The following CORIN variants were observed in gnomAD, a reference collection of about 807,000 sequenced individuals.
CORIN encodes corin, serine peptidase, also known as atrial natriuretic peptide-converting enzyme.
CORIN carries 117 observed loss-of-function variants against 125.3 expected under a neutral mutation model. The observed-to-expected ratio is 0.93, with a 90% CI of 0.80 to 1.09. The LOEUF is 1.09. CORIN is among the 50% of genes least tolerant of loss of function. The pLI is 0.00. For synonymous variants in CORIN, 450 were observed against 466.4 expected (o/e 0.96, Z 0.45); for missense variants, 1,253 against 1,306.7 (o/e 0.96, Z 0.63).
intron 19 of CORIN, among the ~76,000 whole-genome samples, chr4:47,609,738 C>T (rs543354587): frequency 1.3e-5 from 2 of 152,290 alleles, no homozygotes; most frequent in East Asian, 3.9e-4. Flanking sequence ...AGCTATTCTC[C>T]GTGATGCTCT....
In CORIN at chr4:47,623,711, T is replaced by C. The variant is rs1722432166; in HGVS notation, c.2400A>G (p.Lys800=). The change falls in exon 19 of 22, where the codon AAA becomes AAG. Residue 800 remains lysine, a synonymous_variant. Coordinates refer to ENST00000273857, the MANE Select transcript of CORIN (RefSeq NM_006587.4). ...CGRRPAARMN[K]RILGGRTSRP... is the part of the protein sequence containing the mutation. ...GACTCGTCCGACCTCCAAGGATCCT[T>C]TTGTTCATTCGGGCAGCAGGGCGGC... 3 of 1,614,208 alleles carry C rather than the reference T, an allele frequency of 1.9e-6. No homozygotes were observed. The highest frequency in any genetic ancestry group is 2.5e-6 in the Non-Finnish European group (3 of 1,180,024).
At chr4:47,609,011 T>G (rs919999787) in intron 19 of CORIN, among the ~76,000 whole-genome samples, 14 of 152,124 alleles carry the variant, frequency 9.2e-5, no homozygotes, top group Admixed American at 9.2e-4. Flanking sequence ...ATATTTTTCC[T>G]GTTTAATAAA....
chr4:47,642,181 C>T, intron 15 of CORIN, 132 bp from the exon 16 acceptor site: 1 of 894,682 alleles, frequency 1.1e-6, no homozygotes, highest in Non-Finnish European at 1.6e-6. Flanking sequence ...TTGATGTGTA[C>T]CTACCCTGTG....
At chr4:47,761,750 A>C (rs1372281873) in intron 4 of CORIN, among the ~76,000 whole-genome samples, 2 of 152,202 alleles carry the variant, frequency 1.3e-5, no homozygotes, top group Non-Finnish European at 2.9e-5. Flanking sequence ...AATGTTGGTC[A>C]AATGACACAA....
intron 5 of CORIN, among the ~76,000 whole-genome samples, chr4:47,726,025 C>T (rs1205182759): frequency 6.6e-6 from 1 of 151,968 alleles, no homozygotes; most frequent in Non-Finnish European, 1.5e-5. Flanking sequence ...CATCATTAGG[C>T]AAATTTAACC....
At chr4:47,638,804 A>G (rs1723126718) in intron 16 of CORIN, among the ~76,000 whole-genome samples, 1 of 152,236 alleles carries the variant, frequency 6.6e-6, no homozygotes, top group Non-Finnish European at 1.5e-5. Context: ...TCTTCTAATC[A>G]GAGAGCCATC....
intron 12 of CORIN, among the ~76,000 whole-genome samples, chr4:47,654,817 C>A (rs1172616688): frequency 6.6e-6 from 1 of 152,016 alleles, no homozygotes; most frequent in Non-Finnish European, 1.5e-5. Context: ...GGGCATGCAA[C>A]CTAGTGCATG....
At chr4:47,832,494 G>A (rs1391814529) in intron 1 of CORIN, among the ~76,000 whole-genome samples, 1 of 145,456 alleles carries the variant, frequency 6.9e-6, no homozygotes, top group Non-Finnish European at 1.5e-5. Flanking sequence ...ACCCAGGCCG[G>A]AGTGCACTGG....
chr4:47,733,139 T>G (rs1255537558), intron 5 of CORIN, among the ~76,000 whole-genome samples: 1 of 150,340 alleles, frequency 6.7e-6, no homozygotes, highest in Non-Finnish European at 1.5e-5. Context: ...GGCATGTGGC[T>G]TCTCTCAAAT....
chr4:47,623,966 A>C lies in CORIN; in HGVS notation c.2316-18T>G. On this transcript the variant is annotated intron_variant, in intron 17 of 21. Transcript: ENST00000273857. Reference sequence around the variant, plus strand: ...AAGACTGCCTGGATTTGGAAACATAAAATGGTATAACATTAAGTTACATAT... The same window carrying C: ...AAGACTGCCTGGATTTGGAAACATACAATGGTATAACATTAAGTTACATAT... 2 of 1,606,084 alleles carry C rather than the reference A, an allele frequency of 1.2e-6. No individual in the cohort carries two copies. The highest frequency in any genetic ancestry group is 1.7e-6 in the Non-Finnish European group (2 of 1,172,846).
chr4:47,602,795 A>G (rs1231956421), intron 20 of CORIN, among the ~76,000 whole-genome samples: 2 of 152,162 alleles, frequency 1.3e-5, no homozygotes, highest in East Asian at 3.9e-4. Flanking sequence ...ATGAAGTGTG[A>G]CACATCGCTA....
chr4:47,785,781 G>A (rs1313178000), intron 3 of CORIN, among the ~76,000 whole-genome samples: 2 of 151,662 alleles, frequency 1.3e-5, no homozygotes, highest in African/African-American at 2.4e-5. Flanking sequence ...GCATGGTGGC[G>A]CATGCCTGTA....
intron 1 of CORIN, among the ~76,000 whole-genome samples, chr4:47,824,017 T>A (rs1732632973): frequency 6.6e-6 from 1 of 151,926 alleles, no homozygotes. Flanking sequence ...CCCACCTTAC[T>A]CTGTCCACTG....
chr4:47,837,190 G>T (rs1243270907), intron 1 of CORIN, among the ~76,000 whole-genome samples: 1 of 152,232 alleles, frequency 6.6e-6, no homozygotes, highest in South Asian at 2.1e-4. Context: ...TCACGCCGGA[G>T]AAAGTTTGCA....
chr4:47,728,928 A>G (rs1727727130), intron 5 of CORIN, among the ~76,000 whole-genome samples: 1 of 152,254 alleles, frequency 6.6e-6, no homozygotes, highest in Admixed American at 6.5e-5. Flanking sequence ...GAAAACCTCT[A>G]TATTTCTGTT....
intron 5 of CORIN, among the ~76,000 whole-genome samples, chr4:47,715,464 G>A (rs1484002737): frequency 1.6e-5 from 2 of 123,606 alleles, no homozygotes; most frequent in East Asian, 3.6e-4. Context: ...AAAATTAGCC[G>A]TGTGGTGGCA....
At chr4:47,769,743 A>G (rs1729932345) in intron 3 of CORIN, among the ~76,000 whole-genome samples, 1 of 152,118 alleles carries the variant, frequency 6.6e-6, no homozygotes, top group Non-Finnish European at 1.5e-5. Context: ...TTCAACAAAG[A>G]TGCCAAGAAT....
intron 12 of CORIN, among the ~76,000 whole-genome samples, chr4:47,657,707 T>C (rs1176541662): frequency 6.6e-6 from 1 of 151,730 alleles, no homozygotes; most frequent in East Asian, 1.9e-4. Context: ...AGCAGGCACG[T>C]CACATGGCAA....
At chr4:47,649,300 G>A (rs527294565) in intron 13 of CORIN, among the ~76,000 whole-genome samples, 1 of 152,278 alleles carries the variant, frequency 6.6e-6, no homozygotes, top group Non-Finnish European at 1.5e-5. Flanking sequence ...TCCAGGAAAA[G>A]ACACCATCCA....
Sources: gnomAD v4.1 joint callset for allele counts (sites outside exome capture counted in the v4.1 genomes callset) on GRCh38, gnomAD v4.1.1 for gene constraint, MANE v1.5 for transcripts, NCBI Gene and HGNC (gene_info 2026-07-23, HGNC 2026-07-21) for gene names.